Variants in CNTNAP2 observed in about 807,000 individuals in gnomAD.
CNTNAP2 encodes the protein contactin-associated protein-like 2.
A neutral mutation model predicts 155.2 loss-of-function variants in CNTNAP2; 98 were observed. The ratio of observed to expected loss-of-function variants is 0.63; its 90% CI spans 0.54 to 0.75. The LOEUF (loss-of-function observed/expected upper bound fraction) is 0.75. Ranked by LOEUF, CNTNAP2 falls within the 30% of genes least tolerant of loss-of-function variation. CNTNAP2 has a pLI of 0.00. For missense variants in CNTNAP2, 1,727 were observed against 1,688.1 expected, an observed-to-expected ratio of 1.02 and a Z score of -0.40; for synonymous variants, 651 against 631.2, an observed-to-expected ratio of 1.03 and a Z score of -0.47.
Position 147,121,145 on chromosome 7 carries a change from C to G in CNTNAP2, c.921C>G (p.Tyr307Ter). 6.2e-7 allele frequency: 1 copy of G among 1,614,074 alleles called. No individual in the cohort carries two copies. Among genetic ancestry groups the G allele is most frequent in the East Asian group, 2.2e-5 (1 of 44,870 alleles). Residue 307 changes from tyrosine (Y) to a stop codon, truncating the protein, a stop_gained, in exon 6 of 24, where the codon TAC (tyrosine) becomes TAG (stop). Coordinates refer to ENST00000361727, the MANE Select transcript of CNTNAP2 (RefSeq NM_014141.6). LOFTEE classifies it high-confidence loss of function. ...TCCGTACCAATGGAGAGTTTGACTACCTGGACTTGGACTATGAGGTACATG... is the reference window on the plus strand; with the variant it reads ...TCCGTACCAATGGAGAGTTTGACTAGCTGGACTTGGACTATGAGGTACATG... ...QHFRTNGEFD[Y>*]LDLDYEITFG...
chr7:146,248,459 C>G (rs141099338), intron 1 of CNTNAP2, among the ~76,000 whole-genome samples: 2,804 of 152,218 alleles, frequency 0.018, 34 homozygotes, highest in Non-Finnish European at 0.03. Flanking sequence ...TGATTAAACA[C>G]CAGGGGAAGG....
At chr7:146,670,182 G>A (rs1008299482) in intron 1 of CNTNAP2, among the ~76,000 whole-genome samples, 2 of 152,134 alleles carry the variant, frequency 1.3e-5, no homozygotes, top group Non-Finnish European at 2.9e-5. Flanking sequence ...TGTGTAACTA[G>A]AAATTTCAGG....
intron 10 of CNTNAP2, among the ~76,000 whole-genome samples, chr7:147,417,166 C>G (rs926989190): frequency 3.9e-5 from 6 of 152,132 alleles, no homozygotes; most frequent in Non-Finnish European, 7.4e-5. Flanking sequence ...ATCATCTCAA[C>G]CACGGTTATG....
intron 11 of CNTNAP2, among the ~76,000 whole-genome samples, chr7:147,507,975 C>T (rs551855522): frequency 1.3e-5 from 2 of 152,120 alleles, no homozygotes; most frequent in Admixed American, 1.3e-4. Flanking sequence ...TAGCCTTGTC[C>T]TCCAGTAGTG....
intron 7 of CNTNAP2, among the ~76,000 whole-genome samples, chr7:147,130,308 T>A (rs147701369): frequency 5.9e-5 from 9 of 151,946 alleles, no homozygotes; most frequent in African/African-American, 2.2e-4. Context: ...AAAAATTAGC[T>A]GGGCATAATG....
chr7:148,178,241 T>C (rs150986437), intron 18 of CNTNAP2, among the ~76,000 whole-genome samples: 23 of 152,352 alleles, frequency 1.5e-4, no homozygotes, highest in African/African-American at 5.5e-4. Flanking sequence ...AAAATGTTCA[T>C]GTTCATATGC....
At chr7:146,384,900 A>G (rs1795438742) in intron 1 of CNTNAP2, among the ~76,000 whole-genome samples, 1 of 152,204 alleles carries the variant, frequency 6.6e-6, no homozygotes. Flanking sequence ...GATTGAGCAT[A>G]ATAATAATTG....
intron 1 of CNTNAP2, among the ~76,000 whole-genome samples, chr7:146,170,511 G>GT (rs36118318): frequency 3.3e-4 from 50 of 149,328 alleles, no homozygotes; most frequent in Middle Eastern, 3.4e-3. Flanking sequence ...AATATCACTA[G>GT]TTTTTTTTTT....
At chr7:147,025,225 T>A (rs62483993) in intron 3 of CNTNAP2, among the ~76,000 whole-genome samples, 1 of 139,060 alleles carries the variant, frequency 7.2e-6, no homozygotes, top group South Asian at 2.5e-4. Flanking sequence ...AGCGGATGTT[T>A]CAGTAAGCCG....
intron 1 of CNTNAP2, among the ~76,000 whole-genome samples, chr7:146,223,426 G>A (rs1296799062): frequency 6.6e-6 from 1 of 152,224 alleles, no homozygotes; most frequent in African/African-American, 2.4e-5. Flanking sequence ...TCAGTGAAGA[G>A]ACTTTGATCT....
intron 16 of CNTNAP2, among the ~76,000 whole-genome samples, chr7:148,130,731 G>C (rs1585142122): frequency 6.6e-6 from 1 of 152,154 alleles, no homozygotes; most frequent in East Asian, 1.9e-4. Context: ...CACCACTACA[G>C]TTTCCTAAGA....
intron 22 of CNTNAP2, among the ~76,000 whole-genome samples, chr7:148,393,786 T>C (rs2116684978): frequency 6.6e-6 from 1 of 152,282 alleles, no homozygotes; most frequent in South Asian, 2.1e-4. Context: ...TAAAATTTTC[T>C]TGTTATAGTT....
chr7:146,721,720 T>C (rs1194723987), intron 1 of CNTNAP2, among the ~76,000 whole-genome samples: 3 of 124,210 alleles, frequency 2.4e-5, no homozygotes, highest in African/African-American at 3.5e-5. Flanking sequence ...TCTATATATA[T>C]TCTAAATACA....
chr7:146,746,389 A>G lies in CNTNAP2; in HGVS notation c.98-27882A>G, dbSNP rs542602031. Among the ~76,000 whole-genome samples, 12 of 152,290 alleles carry G rather than the reference A, an allele frequency of 7.9e-5. No homozygotes were observed. In the East Asian group the frequency reaches 2.3e-3, roughly 29 times the overall value. ...TGAAATAATTGAGGACATTTTTGAC[A>G]TATGTTTTCATTTTTTGTGGCAAAC... is the stretch of plus-strand genomic sequence containing the variant. On this transcript the variant is annotated intron_variant, in intron 1 of 23. Coordinates refer to ENST00000361727, the MANE Select transcript of CNTNAP2 (RefSeq NM_014141.6).
chr7:147,394,936 C>T (rs1796787658), intron 9 of CNTNAP2, among the ~76,000 whole-genome samples: 1 of 147,014 alleles, frequency 6.8e-6, no homozygotes. Flanking sequence ...TTATATATAC[C>T]ATATTATGGT....
chr7:146,614,217 C>T lies in CNTNAP2; in HGVS notation c.98-160054C>T, dbSNP rs1799186415. The stretch of plus-strand genomic sequence containing the variant: ...CCTCTTAGAAATGTATTTAAATGCT[C>T]ACGTGTACAAAAGGGAAATTGACTA... On this transcript the variant is annotated intron_variant, in intron 1 of 23. Transcript: ENST00000361727. 9.2e-5 allele frequency among the ~76,000 whole-genome samples: 14 copies of T among 152,246 alleles called. 2 individuals are homozygous for T. The South Asian group carries it at 2.9e-3, about 32-fold the overall frequency.
intron 1 of CNTNAP2, among the ~76,000 whole-genome samples, chr7:146,197,269 A>G (rs1798790917): frequency 6.6e-6 from 1 of 152,200 alleles, no homozygotes; most frequent in South Asian, 2.1e-4. Context: ...AAGACAAAAC[A>G]AAGGAATTAT....
chr7:146,699,627 T>C (rs569314646), intron 1 of CNTNAP2, among the ~76,000 whole-genome samples: 23 of 152,180 alleles, frequency 1.5e-4, no homozygotes, highest in African/African-American at 5.5e-4. Flanking sequence ...CTCAGTCCAT[T>C]GGGCTGTAGT....
chr7:146,483,326 T>TATATATATATATATATATAC (rs1554439604), intron 1 of CNTNAP2, among the ~76,000 whole-genome samples: 2 of 79,234 alleles, frequency 2.5e-5, no homozygotes, highest in Non-Finnish European at 4.7e-5. Context: ...TATATATATA[T>TATATATATATATATATATAC]ATACATATAT....
Sources: allele counts gnomAD v4.1 joint callset (sites outside exome capture counted in the v4.1 genomes callset), GRCh38; gene constraint gnomAD v4.1.1; transcripts MANE v1.5; gene names NCBI Gene and HGNC (gene_info 2026-07-23, HGNC 2026-07-21).